The following ANK2 variants were observed in gnomAD, a reference collection of about 807,000 sequenced individuals.
ANK2 encodes ankyrin 2.
In ANK2, 83 loss-of-function variants were observed where a neutral mutation model predicts 360.5. That is an observed-to-expected ratio of 0.23 (90% CI 0.19 to 0.28). The LOEUF (loss-of-function observed/expected upper bound fraction) is 0.28, where lower values mean the gene tolerates loss of function less well. Ranked by LOEUF, ANK2 falls within the 10% of genes least tolerant of loss-of-function variation. The pLI, the probability that ANK2 is intolerant of heterozygous loss-of-function variation, is 1.00. For synonymous variants in ANK2, 1,740 were observed against 1,759.5 expected (o/e 0.99, Z 0.28); for missense variants, 4,201 against 4,795.7 (o/e 0.88, Z 3.66).
At chr4:113,372,616 G>C in intron 43 of ANK2, 1 of 1,535,008 alleles carries the variant, frequency 6.5e-7, no homozygotes, top group Non-Finnish European at 8.7e-7. Flanking sequence ...GCCGGCGAGT[G>C]ATTATTCAGG....
chr4:113,383,387 C>T lies in ANK2; in HGVS notation c.*1916C>T, dbSNP rs2154093816. Reference sequence around the variant, plus strand: ...AAAATAAGAGAGGCCGATGGTGAAACTTTTTGAGACACCCTATGGCCTTCT... The same window carrying T: ...AAAATAAGAGAGGCCGATGGTGAAATTTTTTGAGACACCCTATGGCCTTCT... On this transcript the variant is annotated 3_prime_UTR_variant, in exon 46 of 46. Transcript: ENST00000357077. 6.5e-6 allele frequency: 1 copy of T among 152,696 alleles called. No homozygotes were observed. The highest frequency in any genetic ancestry group is 1.9e-4 in the East Asian group (1 of 5,180). The allele number at this position is 152,696 out of a possible 1,614,324, so 9.5% of individuals were successfully genotyped here. A position where few individuals can be genotyped will look rare whatever the true frequency, so the allele number is the denominator to read the frequency against.
the ANK2 span, among the ~76,000 whole-genome samples, chr4:112,785,382 CT>C: frequency 1.4e-5 from 2 of 145,392 alleles, no homozygotes; most frequent in South Asian, 2.2e-4. Context: ...CCTTTTTTTC[CT>C]TTTTTTTTGA....
intron 1 of ANK2, among the ~76,000 whole-genome samples, chr4:112,874,595 T>TCGCAC (rs1200549209): frequency 7.6e-6 from 1 of 132,176 alleles, no homozygotes; most frequent in Non-Finnish European, 1.5e-5. Flanking sequence ...TGAGCCAAGA[T>TCGCAC]CGCACCACTG....
intron 2 of ANK2, among the ~76,000 whole-genome samples, chr4:112,950,803 C>T (rs2094908985): frequency 6.6e-6 from 1 of 150,504 alleles, no homozygotes; most frequent in Non-Finnish European, 1.5e-5. Context: ...TGTGCCTCGG[C>T]CGGGCGCGGT....
chr4:113,253,227 C>G (rs2047427315), intron 10 of ANK2, among the ~76,000 whole-genome samples: 1 of 152,104 alleles, frequency 6.6e-6, no homozygotes, highest in Non-Finnish European at 1.5e-5. Flanking sequence ...TCTGACTTTC[C>G]TTCTGTTTTC....
Position 113,345,966 on chromosome 4 carries a change from G to A in ANK2, c.4315G>A (p.Gly1439Ser). 1 of 1,613,736 alleles carries A rather than the reference G, an allele frequency of 6.2e-7. No individual in the cohort carries two copies. The highest frequency in any genetic ancestry group is 8.5e-7 in the Non-Finnish European group (1 of 1,179,684). The stretch of plus-strand genomic sequence containing the variant: ...TATGAAGGAGCCAAAATCCACGAGA[G>A]GCCTGGTGCATCAAGCTATTTGCAA... Reference protein sequence around the residue: ...SFMKEPKSTRGLVHQAICNLN... With the variant: ...SFMKEPKSTRSLVHQAICNLN... Residue 1439 changes from glycine to serine, a missense_variant, in exon 35 of 46, where the codon GGC becomes AGC. Physicochemically the swap from Gly to Ser is moderately conservative, Grantham distance 56. Around this residue, in one of 4 missense-constraint regions of ANK2, gnomAD observed 1,268 missense variants for 1,650.8 expected, o/e 0.77. Coordinates refer to ENST00000357077, the MANE Select transcript of ANK2 (RefSeq NM_001148.6).
intron 1 of ANK2, among the ~76,000 whole-genome samples, chr4:113,070,693 G>A (rs537546949): frequency 2.2e-4 from 34 of 151,982 alleles, no homozygotes; most frequent in Admixed American, 1.4e-3. Flanking sequence ...TTGTTCACCC[G>A]ACATTACATT....
chr4:112,954,786 A>T (rs2095253644), intron 2 of ANK2, among the ~76,000 whole-genome samples: 1 of 152,200 alleles, frequency 6.6e-6, no homozygotes, highest in South Asian at 2.1e-4. Context: ...AGTAATCATC[A>T]TACAGTATTA....
intron 2 of ANK2, among the ~76,000 whole-genome samples, chr4:112,993,272 A>T (rs1048884553): frequency 1.1e-4 from 16 of 151,726 alleles, no homozygotes; most frequent in African/African-American, 3.1e-4. Flanking sequence ...ACAGAGCAAG[A>T]CCCTGTCTCA....
intron 1 of ANK2, among the ~76,000 whole-genome samples, chr4:112,829,491 C>CAAAAAAAAAAAAAA (rs60272903): frequency 1.5e-4 from 9 of 60,728 alleles, no homozygotes; most frequent in Non-Finnish European, 2.2e-4. Flanking sequence ...CCCATCTCTA[C>CAAAAAAAAAAAAAA]AAAAAAAAAA....
chr4:112,989,520 C>G (rs1262435123), intron 2 of ANK2, among the ~76,000 whole-genome samples: 1 of 152,164 alleles, frequency 6.6e-6, no homozygotes, highest in African/African-American at 2.4e-5. Flanking sequence ...CTGACAGGTG[C>G]AGCAGCCTCG....
At chr4:113,322,904 G>T (rs571794485) in intron 26 of ANK2, among the ~76,000 whole-genome samples, 1 of 152,214 alleles carries the variant, frequency 6.6e-6, no homozygotes, top group Non-Finnish European at 1.5e-5. Context: ...CAACAGCCTA[G>T]GGTTTTTTTT....
At chr4:113,033,410 G>A (rs1466385340) in intron 2 of ANK2, among the ~76,000 whole-genome samples, 3 of 152,000 alleles carry the variant, frequency 2.0e-5, no homozygotes, top group South Asian at 4.1e-4. Flanking sequence ...CTCAAGGTCT[G>A]TAATGGCATG....
At chr4:112,937,125 G>A (rs576713831) in intron 2 of ANK2, among the ~76,000 whole-genome samples, 1 of 151,992 alleles carries the variant, frequency 6.6e-6, no homozygotes, top group Non-Finnish European at 1.5e-5. Flanking sequence ...TAAAATTTTT[G>A]TCCAACAAAT....
intron 14 of ANK2, among the ~76,000 whole-genome samples, chr4:113,265,237 GA>G (rs1275071193): frequency 6.6e-6 from 1 of 152,034 alleles, no homozygotes; most frequent in Non-Finnish European, 1.5e-5. Context: ...TATCATCTAA[GA>G]AATACATCGA....
At chr4:113,161,178 GATGCCAGT>G (rs1562517948) in intron 1 of ANK2, among the ~76,000 whole-genome samples, 1 of 152,184 alleles carries the variant, frequency 6.6e-6, no homozygotes, top group East Asian at 1.9e-4. Context: ...CTCTAGAGTT[GATGCCAGT>G]ACTCTTACAC....
chr4:113,260,496 T>C (rs958157079), intron 13 of ANK2, among the ~76,000 whole-genome samples: 14 of 152,310 alleles, frequency 9.2e-5, no homozygotes, highest in African/African-American at 2.6e-4. Context: ...GCCAATATAA[T>C]TTCCGTGTTT....
At chr4:113,219,813 C>A (rs982718926) in intron 4 of ANK2, among the ~76,000 whole-genome samples, 132 of 152,222 alleles carry the variant, frequency 8.7e-4, no homozygotes, top group African/African-American at 3.1e-3. Flanking sequence ...AAAATGCTCC[C>A]TTATAAACTA....
chr4:113,266,533 T>C (rs1028375973), intron 14 of ANK2, among the ~76,000 whole-genome samples: 5 of 152,208 alleles, frequency 3.3e-5, no homozygotes, highest in Non-Finnish European at 7.3e-5. Flanking sequence ...ATTGACACAT[T>C]GTCTTCCACA....
Sources: gnomAD v4.1 joint callset for allele counts (sites outside exome capture counted in the v4.1 genomes callset) on GRCh38, gnomAD v4.1.1 for gene constraint, gnomAD v4.1.1 regional missense constraint, MANE v1.5 for transcripts, NCBI Gene and HGNC (gene_info 2026-07-23, HGNC 2026-07-21) for gene names.